MAN1A2: variants seen among roughly 807,000 people sequenced by gnomAD.
MAN1A2 encodes the protein mannosidase alpha class 1A member 2.
MAN1A2 carries 26 observed loss-of-function variants against 75.7 expected under a neutral mutation model. That is an observed-to-expected ratio of 0.34 (90% CI 0.25 to 0.48). The LOEUF is 0.48. Among genes scored for constraint, MAN1A2 ranks in the 20% least tolerant of loss-of-function variants. MAN1A2 has a pLI of 0.99. For synonymous variants in MAN1A2, 247 were observed against 264.6 expected (o/e 0.93, Z 0.65); for missense variants, 562 against 775.5 (o/e 0.72, Z 3.27).
At chr1:117,444,364 G>T (rs1178404073) in intron 6 of MAN1A2, among the ~76,000 whole-genome samples, 2 of 149,704 alleles carry the variant, frequency 1.3e-5, no homozygotes, top group Non-Finnish European at 3.0e-5. Context: ...TGGTTCTCAA[G>T]AATACAATTG....
intron 12 of MAN1A2, among the ~76,000 whole-genome samples, chr1:117,506,913 A>G (rs754154951): frequency 9.2e-5 from 14 of 151,540 alleles, no homozygotes; most frequent in Non-Finnish European, 1.6e-4. Flanking sequence ...ATCAGAGATA[A>G]TATTAAAGTT....
At chr1:117,378,626 G>A (rs926448025) in intron 1 of MAN1A2, among the ~76,000 whole-genome samples, 2 of 130,490 alleles carry the variant, frequency 1.5e-5, no homozygotes, top group African/African-American at 6.1e-5. Flanking sequence ...TGTAGGGTAT[G>A]TGTATCATTG....
chr1:117,380,635 T>C (rs1034843497), intron 1 of MAN1A2, among the ~76,000 whole-genome samples: 2 of 152,194 alleles, frequency 1.3e-5, no homozygotes, highest in Admixed American at 6.6e-5. Context: ...AATTTTCCCC[T>C]ATTGAATAAT....
At chr1:117,442,062 A>G (rs1425899798) in intron 5 of MAN1A2, among the ~76,000 whole-genome samples, 169 bp from the exon 6 acceptor site, 4 of 152,126 alleles carry the variant, frequency 2.6e-5, no homozygotes, top group South Asian at 2.1e-4. Context: ...CCAGTTTGCA[A>G]ACATGCTCTC....
intron 8 of MAN1A2, among the ~76,000 whole-genome samples, chr1:117,467,254 G>T (rs1225021129): frequency 6.6e-6 from 1 of 152,096 alleles, no homozygotes; most frequent in Non-Finnish European, 1.5e-5. Context: ...AATAAAACAT[G>T]ATTCAGTTAT....
chr1:117,439,018 G>A (rs996111960), intron 5 of MAN1A2, among the ~76,000 whole-genome samples: 1 of 152,216 alleles, frequency 6.6e-6, no homozygotes, highest in African/African-American at 2.4e-5. Context: ...GGTAACATTT[G>A]TGTGAAGACC....
At chr1:117,387,545 A>C (rs1175822361) in intron 1 of MAN1A2, among the ~76,000 whole-genome samples, 1 of 152,182 alleles carries the variant, frequency 6.6e-6, no homozygotes, top group Non-Finnish European at 1.5e-5. Context: ...AGGTTCACTA[A>C]TGCAAATAAA....
intron 12 of MAN1A2, among the ~76,000 whole-genome samples, chr1:117,519,038 C>T (rs1413131200): frequency 6.6e-6 from 1 of 152,058 alleles, no homozygotes; most frequent in East Asian, 1.9e-4. Context: ...AAGGAGCCTT[C>T]AAAACCATGC....
intron 5 of MAN1A2, among the ~76,000 whole-genome samples, chr1:117,428,066 TTAACCACCAA>T (rs1450053129): frequency 6.6e-6 from 1 of 151,364 alleles, no homozygotes; most frequent in Non-Finnish European, 1.5e-5. Context: ...CACGTATAGC[TTAACCACCAA>T]TAAATAAACT....
chr1:117,521,518 A>G (rs919313058), intron 12 of MAN1A2, among the ~76,000 whole-genome samples: 1 of 152,002 alleles, frequency 6.6e-6, no homozygotes, highest in Admixed American at 6.6e-5. Context: ...CAAAAAATCA[A>G]AAAACACTAT....
chr1:117,398,027 C>T (rs1399685825), intron 1 of MAN1A2, among the ~76,000 whole-genome samples: 1 of 152,060 alleles, frequency 6.6e-6, no homozygotes, highest in Non-Finnish European at 1.5e-5. Flanking sequence ...CAGATGGGGT[C>T]TTAGAATCTG....
At chr1:117,391,765 T>C (rs1653727452) in intron 1 of MAN1A2, among the ~76,000 whole-genome samples, 1 of 152,174 alleles carries the variant, frequency 6.6e-6, no homozygotes, top group African/African-American at 2.4e-5. Flanking sequence ...TCTAAAATCA[T>C]ACACATTCAT....
At chr1:117,407,221 A>G (rs903941791) in intron 3 of MAN1A2, among the ~76,000 whole-genome samples, 3 of 152,132 alleles carry the variant, frequency 2.0e-5, no homozygotes, top group African/African-American at 7.2e-5. Context: ...CTAAGTAGGA[A>G]TAGATCCATT....
At chr1:117,492,239 ATTG>A (rs1271214613) in intron 8 of MAN1A2, among the ~76,000 whole-genome samples, 4 of 151,972 alleles carry the variant, frequency 2.6e-5, no homozygotes, top group Non-Finnish European at 5.9e-5. Context: ...AGCAGACTTT[ATTG>A]TTGTCTCATT....
Position 117,391,481 on chromosome 1 carries a change from C to T in MAN1A2, c.303-10705C>T, listed in dbSNP as rs539441721. 2.4e-4 allele frequency among the ~76,000 whole-genome samples: 36 copies of T among 152,196 alleles called. 1 individual carries two copies. The South Asian group carries it at 5.0e-3, about 21-fold the overall frequency. ...TGAAATTTTGTTATTAGGTGTGTGA[C>T]GTTTATCATTGTTACATTCTCTTGA... On this transcript the variant is annotated intron_variant, in intron 1 of 12. Transcript: ENST00000356554.
chr1:117,470,705 G>A (rs966332825), intron 8 of MAN1A2, among the ~76,000 whole-genome samples: 25 of 152,000 alleles, frequency 1.6e-4, no homozygotes, highest in African/African-American at 5.8e-4. Flanking sequence ...TTACAGAATT[G>A]TCCAATTTGT....
chr1:117,387,233 A>AC (rs1248781822), intron 1 of MAN1A2, among the ~76,000 whole-genome samples: 18 of 151,994 alleles, frequency 1.2e-4, no homozygotes, highest in African/African-American at 4.1e-4. Context: ...AAAAAAAAAA[A>AC]AACAAAGTAA....
At chr1:117,423,136 T>A (rs573133169) in intron 5 of MAN1A2, among the ~76,000 whole-genome samples, 38 of 152,308 alleles carry the variant, frequency 2.5e-4, no homozygotes, top group African/African-American at 8.4e-4. Flanking sequence ...CATATGGATG[T>A]TGAAAAGACT....
intron 3 of MAN1A2, among the ~76,000 whole-genome samples, chr1:117,410,576 T>G (rs1647774674): frequency 6.6e-6 from 1 of 151,034 alleles, no homozygotes; most frequent in Non-Finnish European, 1.5e-5. Flanking sequence ...TTATGTAACA[T>G]TGTACTGGAG....
Sources: allele counts gnomAD v4.1 joint callset (sites outside exome capture counted in the v4.1 genomes callset), GRCh38; gene constraint gnomAD v4.1.1; transcripts MANE v1.5; gene names NCBI Gene and HGNC (gene_info 2026-07-23, HGNC 2026-07-21).